The following FRA10AC1 variants were observed in gnomAD, a reference collection of about 807,000 sequenced individuals.
FRA10AC1 encodes protein FRA10AC1.
FRA10AC1 carries 43 observed loss-of-function variants against 56.5 expected under a neutral mutation model. The observed-to-expected ratio is 0.76, with a 90% CI of 0.60 to 0.98. The LOEUF is 0.98. FRA10AC1 is among the 50% of genes least tolerant of loss of function. FRA10AC1 has a pLI of 0.00. For missense variants in FRA10AC1, 346 were observed against 351.8 expected (o/e 0.98, Z 0.13); for synonymous variants, 112 against 110.5 (o/e 1.01, Z -0.09).
chr10:93,678,969 G>A (rs1432366560), intron 11 of FRA10AC1, among the ~76,000 whole-genome samples: 2 of 152,090 alleles, frequency 1.3e-5, no homozygotes, highest in African/African-American at 4.8e-5. Context: ...TACTCTTCAA[G>A]TCTGGTCCAA....
intron 12 of FRA10AC1, chr10:93,674,225 AT>A (rs1425304373): frequency 6.6e-6 from 1 of 152,236 alleles, no homozygotes; most frequent in Admixed American, 6.5e-5. Context: ...AAACGAGGAT[AT>A]TATATGCACA....
At chr10:93,676,231 G>A (rs567195270) in intron 12 of FRA10AC1, among the ~76,000 whole-genome samples, 22 of 151,956 alleles carry the variant, frequency 1.4e-4, no homozygotes, top group Non-Finnish European at 2.9e-4. Flanking sequence ...AAGTCATTGT[G>A]AATACTTTTT....
intron 10 of FRA10AC1, 139 bp downstream of exon 10, chr10:93,683,917 A>G (rs1380186890): frequency 4.7e-6 from 3 of 644,276 alleles, no homozygotes; most frequent in Non-Finnish European, 8.3e-6. Context: ...TTATGTAGCC[A>G]TACGACAATG....
chr10:93,699,750 A>G lies in FRA10AC1; in HGVS notation c.77+280T>C, dbSNP rs1589731112. Reference sequence around the variant, plus strand: ...AGTCCTTGACAGTTGAATGAAAAATATATGTAATGAAAAGGTTTCACTGAT... The same window carrying G: ...AGTCCTTGACAGTTGAATGAAAAATGTATGTAATGAAAAGGTTTCACTGAT... On this transcript the variant is annotated intron_variant, in intron 2 of 13. Coordinates refer to ENST00000359204, the MANE Select transcript of FRA10AC1 (RefSeq NM_145246.5). Among the ~76,000 whole-genome samples, 4 of 152,372 alleles carry G rather than the reference A, an allele frequency of 2.6e-5. No individual in the cohort carries two copies. The South Asian group carries it at 8.3e-4, about 32-fold the overall frequency.
intron 4 of FRA10AC1, among the ~76,000 whole-genome samples, chr10:93,695,450 AT>A (rs1265106329): frequency 6.6e-6 from 1 of 151,962 alleles, no homozygotes; most frequent in African/African-American, 2.4e-5. Context: ...AAAAGCAAAT[AT>A]AAAAAATCAA....
chr10:93,681,826 T>C (rs1196871011), intron 10 of FRA10AC1, among the ~76,000 whole-genome samples: 1 of 152,150 alleles, frequency 6.6e-6, no homozygotes, highest in Non-Finnish European at 1.5e-5. Flanking sequence ...AATTACTTTC[T>C]ATAAGTTCTG....
rs976322421 is a variant in FRA10AC1, at chr10:93,673,231, C to T, written c.827-2383G>A. On this transcript the variant is annotated intron_variant, in intron 12 of 13. Transcript: ENST00000359204. ...TCTGTTTTTGGGCAGTTCTGCCAACCCAGAGTCATAAAAAATAAGTCTCCT... is the reference window on the plus strand; with the variant it reads ...TCTGTTTTTGGGCAGTTCTGCCAACTCAGAGTCATAAAAAATAAGTCTCCT... The T allele has an allele frequency of 2.3e-5, 10 of 433,096 alleles. No homozygotes were observed. The Middle Eastern group carries it at 3.4e-3, about 147-fold the overall frequency. The allele number at this position is 433,096 out of a possible 1,614,324, so 26.8% of individuals were successfully genotyped here. A position where few individuals can be genotyped will look rare whatever the true frequency, so the allele number is the denominator to read the frequency against.
chr10:93,685,994 A>C (rs775172805), intron 8 of FRA10AC1, among the ~76,000 whole-genome samples: 9 of 151,796 alleles, frequency 5.9e-5, no homozygotes, highest in Non-Finnish European at 1.0e-4. Context: ...CCATGTCCAC[A>C]ATATATTAAA....
chr10:93,677,104 G>A (rs2058854659), intron 11 of FRA10AC1, among the ~76,000 whole-genome samples: 1 of 152,024 alleles, frequency 6.6e-6, no homozygotes. Context: ...ATATATGCAG[G>A]TAAGTATTAG....
intron 8 of FRA10AC1, 105 bp downstream of exon 8, chr10:93,687,299 G>A: frequency 3.4e-6 from 3 of 884,412 alleles, no homozygotes; most frequent in Non-Finnish European, 5.0e-6. Context: ...TACTTTTGTA[G>A]CTAATAATTT....
chr10:93,678,107 A>G (rs2058874623), intron 11 of FRA10AC1, among the ~76,000 whole-genome samples: 1 of 152,216 alleles, frequency 6.6e-6, no homozygotes, highest in African/African-American at 2.4e-5. Flanking sequence ...TGGAATATGT[A>G]AGAGGAACAT....
intron 10 of FRA10AC1, among the ~76,000 whole-genome samples, chr10:93,683,759 C>G (rs1196302746): frequency 1.3e-5 from 2 of 152,178 alleles, no homozygotes; most frequent in African/African-American, 4.8e-5. Context: ...TTTATGAAGT[C>G]TGCTTTACAA....
At chr10:93,693,531 C>CAT (rs397947381) in intron 5 of FRA10AC1, among the ~76,000 whole-genome samples, 3,869 of 30,698 alleles carry the variant, frequency 0.13, 593 homozygotes, top group African/African-American at 0.21. Flanking sequence ...ATATATACAC[C>CAT]ATATATATAT....
intron 11 of FRA10AC1, among the ~76,000 whole-genome samples, chr10:93,679,391 GCA>G (rs2058895575): frequency 1.3e-5 from 2 of 152,162 alleles, no homozygotes; most frequent in Non-Finnish European, 2.9e-5. Context: ...AGCCATGACA[GCA>G]TTACAAATGA....
At chr10:93,681,387 T>G (rs2058931136) in intron 11 of FRA10AC1, 93 bp downstream of exon 11, 1 of 810,246 alleles carries the variant, frequency 1.2e-6, no homozygotes, top group Non-Finnish European at 1.9e-6. Context: ...AATGAAATTC[T>G]CAATGCATTC....
At position 93,687,726 on chromosome 10, in the gene FRA10AC1, A is replaced by G. The variant is rs184809755; in HGVS notation, c.466-277T>C. 466 of 229,632 alleles carry G rather than the reference A, an allele frequency of 2.0e-3. 3 individuals carry two copies. The highest frequency in any genetic ancestry group is 9.8e-4 in the Non-Finnish European group (117 of 118,930). The allele number at this position is 229,632 out of a possible 1,614,324, so 14.2% of individuals were successfully genotyped here. On this transcript the variant is annotated intron_variant, in intron 7 of 13. Coordinates refer to ENST00000359204, the MANE Select transcript of FRA10AC1 (RefSeq NM_145246.5). ...TATATCCTGTTCTGTAAGACTGACA[A>G]GAAAAAAAGAGGTTATGGTATAGTA...
intron 8 of FRA10AC1, 63 bp from the exon 9 acceptor site, chr10:93,685,422 G>T: frequency 2.7e-6 from 2 of 742,928 alleles, no homozygotes; most frequent in Non-Finnish European, 4.6e-6. Context: ...ATATGATCTA[G>T]TATTACCCCT....
chr10:93,684,032 G>C lies in FRA10AC1; in HGVS notation c.668+24C>G, dbSNP rs758291265. 3 of 1,486,402 alleles carry C rather than the reference G, an allele frequency of 2.0e-6. No individual in the cohort carries two copies. The Admixed American group carries it at 5.1e-5, about 25-fold the overall frequency. The allele number at this position is 1,486,402 out of a possible 1,614,324, so 92.1% of individuals were successfully genotyped here. ...TATATCCTGGATTACTAAACATTAA[G>C]AATGGCATTTTAAAAGACATTACCT... On this transcript the variant is annotated intron_variant, in intron 10 of 13. Transcript: ENST00000359204.
At position 93,684,036 on chromosome 10, in the gene FRA10AC1, G is replaced by A; in HGVS notation, c.668+20C>T. Reference sequence around the variant, plus strand: ...TCCTGGATTACTAAACATTAAGAATGGCATTTTAAAAGACATTACCTGTGA... The same window carrying A: ...TCCTGGATTACTAAACATTAAGAATAGCATTTTAAAAGACATTACCTGTGA... On this transcript the variant is annotated intron_variant, in intron 10 of 13. Transcript: ENST00000359204. 1.3e-6 allele frequency: 2 copies of A among 1,515,000 alleles called. No individual in the cohort carries two copies. Among genetic ancestry groups the A allele is most frequent in the East Asian group, 2.3e-5 (1 of 44,206 alleles). 93.8% of individuals were successfully genotyped at this position (1,515,000 alleles called of 1,614,324 possible). A position where few individuals can be genotyped will look rare whatever the true frequency, so the allele number is the denominator to read the frequency against.
Sources: gnomAD v4.1 joint callset for allele counts (sites outside exome capture counted in the v4.1 genomes callset) on GRCh38, gnomAD v4.1.1 for gene constraint, MANE v1.5 for transcripts, NCBI Gene and HGNC (gene_info 2026-07-23, HGNC 2026-07-21) for gene names.